The following SLC4A4 variants were observed in gnomAD, a reference collection of about 807,000 sequenced individuals.
SLC4A4 encodes the protein electrogenic sodium bicarbonate cotransporter 1.
SLC4A4 carries 27 observed loss-of-function variants against 111.5 expected under a neutral mutation model. That is an observed-to-expected ratio of 0.24 (90% CI 0.18 to 0.33). The LOEUF (loss-of-function observed/expected upper bound fraction) is 0.33. SLC4A4 is among the 10% of genes least tolerant of loss of function. The pLI is 1.00. For missense variants in SLC4A4, 909 were observed against 1,315.5 expected (o/e 0.69, Z 4.78); for synonymous variants, 443 against 463.4 (o/e 0.96, Z 0.57).
intron 11 of SLC4A4, among the ~76,000 whole-genome samples, chr4:71,451,681 C>CA (rs901757328): frequency 1.2e-4 from 18 of 151,930 alleles, no homozygotes; most frequent in African/African-American, 4.1e-4. Context: ...AGGTGGGAGA[C>CA]AGACCAGGTG....
chr4:71,453,734 T>G, intron 12 of SLC4A4, 65 bp downstream of exon 12: 1 of 1,470,596 alleles, frequency 6.8e-7, no homozygotes. Context: ...CCCCTACAGC[T>G]CAGTTAGAAG....
intron 6 of SLC4A4, among the ~76,000 whole-genome samples, chr4:71,380,953 A>G (rs77440065): frequency 0.022 from 3,411 of 152,294 alleles, 119 homozygotes; most frequent in East Asian, 0.14. Context: ...ATGAAGGACA[A>G]CAAGTCGGCA....
intron 24 of SLC4A4, 94 bp downstream of exon 24, chr4:71,563,983 C>A: frequency 1.2e-6 from 1 of 846,548 alleles, no homozygotes; most frequent in Non-Finnish European, 2.0e-6. Context: ...AACTTTCCCT[C>A]AATTTTGTTT....
intron 3 of SLC4A4, among the ~76,000 whole-genome samples, chr4:71,311,703 A>T (rs1470622418): frequency 6.6e-6 from 1 of 152,346 alleles, no homozygotes; most frequent in South Asian, 2.1e-4. Flanking sequence ...AGGGAAATTT[A>T]TAGCACTCAA....
At chr4:71,524,032 C>T (rs143042539) in intron 16 of SLC4A4, among the ~76,000 whole-genome samples, 14 of 152,164 alleles carry the variant, frequency 9.2e-5, no homozygotes, top group African/African-American at 2.4e-4. Context: ...TCTACCTTTC[C>T]GTAGCCTCTG....
chr4:71,268,478 A>C lies in SLC4A4; in HGVS notation c.253+13079A>C, dbSNP rs373831176. On this transcript the variant is annotated intron_variant, in intron 3 of 25. Coordinates refer to ENST00000264485, the MANE Select transcript of SLC4A4 (RefSeq NM_001098484.3). ...AGCATGGAAGTGTTTATGGCGATTT[A>C]TACTTTGGTTTTGGTTTGTTAGCTT... is the stretch of plus-strand genomic sequence containing the variant. Among the ~76,000 whole-genome samples the C allele has an allele frequency of 9.2e-5, 14 of 152,320 alleles. No homozygotes were observed. The East Asian group carries it at 1.4e-3, about 15-fold the overall frequency.
At chr4:71,080,310 C>T (rs1413160949) in intron 1 of SLC4A4, among the ~76,000 whole-genome samples, 3 of 152,016 alleles carry the variant, frequency 2.0e-5, no homozygotes, top group East Asian at 1.9e-4. Flanking sequence ...CTGGGGTCAG[C>T]GTGCACTCTC....
intron 16 of SLC4A4, among the ~76,000 whole-genome samples, chr4:71,529,097 A>G (rs1487710068): frequency 6.6e-6 from 1 of 152,118 alleles, no homozygotes; most frequent in Non-Finnish European, 1.5e-5. Flanking sequence ...TAAAACTATA[A>G]AAGGAATTTT....
chr4:71,237,205 G>A (rs1355261535), intron 2 of SLC4A4, among the ~76,000 whole-genome samples: 1 of 152,090 alleles, frequency 6.6e-6, no homozygotes, highest in Non-Finnish European at 1.5e-5. Flanking sequence ...ATGTTTCCTA[G>A]TGCCTGTTAA....
intron 7 of SLC4A4, among the ~76,000 whole-genome samples, chr4:71,429,566 G>A (rs1055883824): frequency 2.0e-5 from 3 of 152,164 alleles, no homozygotes; most frequent in Non-Finnish European, 4.4e-5. Flanking sequence ...CAGAGCTGAT[G>A]TTAATAGCCT....
chr4:71,198,894 C>CA (rs1386242666), intron 1 of SLC4A4, among the ~76,000 whole-genome samples: 2 of 152,122 alleles, frequency 1.3e-5, no homozygotes, highest in African/African-American at 4.8e-5. Flanking sequence ...TTTATGTGAG[C>CA]AGATGTTTTT....
chr4:71,531,827 A>AG lies in SLC4A4; in HGVS notation c.2167-235_2167-234insG, dbSNP rs1560592656. 0.036 allele frequency among the ~76,000 whole-genome samples: 5,075 copies of AG among 140,592 alleles called. 332 individuals are homozygous for AG. The highest frequency in any genetic ancestry group is 0.11 in the African/African-American group (4,372 of 38,596). The allele number at this position is 140,592 out of a possible 152,430, so 92.2% of individuals were successfully genotyped here. A position where few individuals can be genotyped will look rare whatever the true frequency, so the allele number is the denominator to read the frequency against. On this transcript the variant is annotated intron_variant, in intron 16 of 25. Coordinates refer to ENST00000264485, the MANE Select transcript of SLC4A4 (RefSeq NM_001098484.3). ...CACAGAAAGAGAGAGAGAGAGAGAG[A>AG]AAGAGCGAGCGCAACCTGTTCTTTG... is the stretch of plus-strand genomic sequence containing the variant.
At chr4:71,475,910 A>C (rs956447979) in intron 14 of SLC4A4, among the ~76,000 whole-genome samples, 2 of 151,840 alleles carry the variant, frequency 1.3e-5, no homozygotes, top group Non-Finnish European at 2.9e-5. Context: ...TTGAAGTGTA[A>C]GTAATAGAAT....
chr4:71,424,340 A>C (rs1478179866), intron 7 of SLC4A4, among the ~76,000 whole-genome samples: 1 of 151,838 alleles, frequency 6.6e-6, no homozygotes, highest in East Asian at 1.9e-4. Flanking sequence ...GTCAGGAAAC[A>C]ACAGGTGCTG....
At chr4:71,116,884 G>A (rs993672224) in intron 2 of SLC4A4, among the ~76,000 whole-genome samples, 7 of 151,908 alleles carry the variant, frequency 4.6e-5, no homozygotes, top group Middle Eastern at 3.4e-3. Context: ...CGGAGGTTGC[G>A]GTGAGCCAAG....
rs1467617882 is a variant in SLC4A4, at chr4:71,571,473, A to C, written c.*3722A>C. The C allele has an allele frequency of 6.6e-6, 1 of 152,196 alleles. No homozygotes were observed. Among genetic ancestry groups the C allele is most frequent in the Non-Finnish European group, 1.5e-5 (1 of 67,860 alleles). 9.4% of individuals were successfully genotyped at this position (152,196 alleles called of 1,614,324 possible). On this transcript the variant is annotated 3_prime_UTR_variant, in exon 26 of 26. Transcript: ENST00000264485. ...TTTCATTGAGCTTCATTGCAGCCTG[A>C]AATTTTAAAAAAGTTGTGTAATACG... is the stretch of plus-strand genomic sequence containing the variant.
chr4:71,214,183 G>A (rs1718292740), intron 1 of SLC4A4, among the ~76,000 whole-genome samples: 1 of 152,276 alleles, frequency 6.6e-6, no homozygotes, highest in Middle Eastern at 3.4e-3. Context: ...GGGTATAGAA[G>A]TGCTCCCAGC....
rs1471239264 is a variant in SLC4A4 at position 71,534,211 on chromosome 4, ATC to A, written c.2281-14_2281-13del. On this transcript the variant is annotated splice_polypyrimidine_tract_variant and intron_variant, in intron 17 of 25. Coordinates refer to ENST00000264485, the MANE Select transcript of SLC4A4 (RefSeq NM_001098484.3). The stretch of plus-strand genomic sequence containing the variant: ...ACCTGATAATTTTCTGAAAAATGTC[ATC>A]TGTCTTTTTCAAGCCAACAAGTCCA... 2 of 1,612,922 alleles carry A rather than the reference ATC, an allele frequency of 1.2e-6. No individual in the cohort carries two copies. The highest frequency in any genetic ancestry group is 8.5e-7 in the Non-Finnish European group (1 of 1,179,266).
At chr4:71,232,274 T>C (rs1022291859) in intron 1 of SLC4A4, among the ~76,000 whole-genome samples, 1 of 152,218 alleles carries the variant, frequency 6.6e-6, no homozygotes, top group African/African-American at 2.4e-5. Context: ...CATTATTCTC[T>C]CTCTCTAATT....
Sources: allele counts gnomAD v4.1 joint callset (sites outside exome capture counted in the v4.1 genomes callset), GRCh38; gene constraint gnomAD v4.1.1; transcripts MANE v1.5; gene names NCBI Gene and HGNC (gene_info 2026-07-23, HGNC 2026-07-21).